PTPRN2: variants seen among roughly 807,000 people sequenced by gnomAD.
PTPRN2 encodes receptor-type tyrosine-protein phosphatase N2.
PTPRN2 carries 74 observed loss-of-function variants against 118.8 expected under a neutral mutation model. That is an observed-to-expected ratio of 0.62 (90% CI 0.52 to 0.76). The LOEUF is 0.76. Ranked by LOEUF, PTPRN2 falls within the 30% of genes least tolerant of loss-of-function variation. The probability of loss-of-function intolerance (pLI) is 0.00; values close to 1 mark genes in which losing one functional copy is unlikely to be tolerated. For synonymous variants in PTPRN2, 641 were observed against 608.0 expected (o/e 1.05, Z -0.80); for missense variants, 1,481 against 1,394.4 (o/e 1.06, Z -0.99).
intron 3 of PTPRN2, among the ~76,000 whole-genome samples, chr7:158,298,643 A>G (rs528314978): frequency 1.3e-5 from 2 of 152,320 alleles, no homozygotes; most frequent in South Asian, 4.1e-4. Context: ...AAACTTCCCA[A>G]GTGAAAAAGC....
intron 3 of PTPRN2, among the ~76,000 whole-genome samples, chr7:158,257,809 G>A (rs2150914299): frequency 6.6e-6 from 1 of 152,370 alleles, no homozygotes; most frequent in African/African-American, 2.4e-5. Context: ...CGTGCCAGGG[G>A]TGAGCCCGCC....
At chr7:158,299,806 C>G (rs1050569495) in intron 3 of PTPRN2, among the ~76,000 whole-genome samples, 1 of 152,194 alleles carries the variant, frequency 6.6e-6, no homozygotes, top group Non-Finnish European at 1.5e-5. Flanking sequence ...TCCCAGGCCC[C>G]CCAGGGAAGC....
chr7:158,565,640 T>C lies in PTPRN2; in HGVS notation c.112+21918A>G, dbSNP rs1827630281. Among the ~76,000 whole-genome samples the C allele has an allele frequency of 6.6e-6, 1 of 152,230 alleles. No individual in the cohort carries two copies. The highest frequency in any genetic ancestry group is 2.4e-5 in the African/African-American group (1 of 41,452). On this transcript the variant is annotated intron_variant, in intron 1 of 22. Transcript: ENST00000389418. This position sits in a 1 kb window ranked among gnomAD's most constrained non-coding sequence, Gnocchi z 4.6. ...AGGAAGAAAGTAAGCAAAGGCACGG[T>C]AGACGCCAAGGGTCCAGGAGTCGCC... is the stretch of plus-strand genomic sequence containing the variant.
At chr7:157,634,835 G>C (rs1804209992) in intron 14 of PTPRN2, among the ~76,000 whole-genome samples, 1 of 152,230 alleles carries the variant, frequency 6.6e-6, no homozygotes, top group Admixed American at 6.5e-5. Context: ...GAGAAAACCA[G>C]AATTTTTAAG....
intron 9 of PTPRN2, among the ~76,000 whole-genome samples, chr7:158,125,873 G>A (rs946629921): frequency 9.9e-5 from 15 of 152,260 alleles, no homozygotes; most frequent in East Asian, 1.9e-4. Flanking sequence ...GCATCAGTCC[G>A]GACCTCGGCT....
At chr7:158,176,018 C>T (rs1280571333) in intron 5 of PTPRN2, among the ~76,000 whole-genome samples, 1 of 151,970 alleles carries the variant, frequency 6.6e-6, no homozygotes, top group Non-Finnish European at 1.5e-5. Context: ...TCTCAGCCCG[C>T]CCTGCTCCGA....
At chr7:158,043,479 G>A (rs976051612) in intron 11 of PTPRN2, among the ~76,000 whole-genome samples, 8 of 74,264 alleles carry the variant, frequency 1.1e-4, no homozygotes, top group African/African-American at 3.4e-4. Flanking sequence ...TCCCATTCTC[G>A]TCACCTGACT....
At chr7:158,113,859 C>G (rs983067078) in intron 9 of PTPRN2, among the ~76,000 whole-genome samples, 3 of 152,180 alleles carry the variant, frequency 2.0e-5, no homozygotes, top group African/African-American at 7.2e-5. Context: ...CCGGGACCAG[C>G]TGGGGCACAG....
intron 20 of PTPRN2, among the ~76,000 whole-genome samples, chr7:157,569,441 C>T (rs760468972): frequency 8.5e-5 from 13 of 152,236 alleles, no homozygotes; most frequent in Non-Finnish European, 1.8e-4. Context: ...GGCACATCCC[C>T]CTAGGCTGCC....
rs867749451 is a variant in PTPRN2, at chr7:158,133,774, G to A, written c.1459C>T (p.Leu487Phe). ...AGGGCCTCCTGAGCACCCGCTGGAA[G>A]GCTCTGCTCCTCCTTCGAGGGCCCA... ...MPGPSKEEQS[L>F]PAGAQEALSD... The change falls in exon 9 of 23, where the codon CTT (leucine) becomes TTT (phenylalanine). Residue 487 changes from leucine to phenylalanine, a missense_variant. Physicochemically the swap from Leu to Phe is conservative, Grantham distance 22. Coordinates refer to ENST00000389418, the MANE Select transcript of PTPRN2 (RefSeq NM_002847.5). The A allele has an allele frequency of 1.2e-5, 20 of 1,613,844 alleles. No homozygotes were observed. In the African/African-American group the frequency reaches 1.6e-4, roughly 13 times the overall value.
At chr7:157,826,609 C>T (rs141980647) in intron 12 of PTPRN2, among the ~76,000 whole-genome samples, 113 of 152,320 alleles carry the variant, frequency 7.4e-4, no homozygotes, top group African/African-American at 2.4e-3. Flanking sequence ...CATTTCCACG[C>T]GTGCTGTGCT....
At chr7:158,085,028 G>C (rs1252550922) in intron 10 of PTPRN2, among the ~76,000 whole-genome samples, 2 of 119,244 alleles carry the variant, frequency 1.7e-5, no homozygotes, top group Non-Finnish European at 3.4e-5. Flanking sequence ...CACCCACGAC[G>C]CCCATCCACA....
At chr7:157,653,866 C>T (rs1239516020) in intron 14 of PTPRN2, among the ~76,000 whole-genome samples, 2 of 140,446 alleles carry the variant, frequency 1.4e-5, no homozygotes, top group African/African-American at 5.4e-5. Flanking sequence ...CGACTCCACA[C>T]GATGCCCGCT....
At chr7:158,053,762 G>A (rs1012790916) in intron 11 of PTPRN2, among the ~76,000 whole-genome samples, 7 of 150,930 alleles carry the variant, frequency 4.6e-5, no homozygotes, top group African/African-American at 9.8e-5. Context: ...CTCCAGAGAC[G>A]CAGAGACCCC....
At chr7:158,113,479 C>T (rs976102120) in intron 9 of PTPRN2, among the ~76,000 whole-genome samples, 3 of 152,096 alleles carry the variant, frequency 2.0e-5, no homozygotes, top group Non-Finnish European at 4.4e-5. Flanking sequence ...AGGCCTTAGG[C>T]AGGAGTAGGA....
chr7:158,113,701 G>T (rs1168926757), intron 9 of PTPRN2, among the ~76,000 whole-genome samples: 1 of 152,160 alleles, frequency 6.6e-6, no homozygotes, highest in Non-Finnish European at 1.5e-5. Context: ...CCTTCCTGGG[G>T]ACAGAGAGAC....
intron 12 of PTPRN2, among the ~76,000 whole-genome samples, chr7:157,799,191 G>C (rs1196917398): frequency 1.3e-5 from 2 of 152,108 alleles, no homozygotes; most frequent in African/African-American, 4.8e-5. Flanking sequence ...GGGGAGGAAG[G>C]GCTGGGTGAG....
intron 12 of PTPRN2, among the ~76,000 whole-genome samples, chr7:157,783,926 G>C (rs754429133): frequency 6.6e-6 from 1 of 152,292 alleles, no homozygotes; most frequent in African/African-American, 2.4e-5. Flanking sequence ...CTGGGAGGCT[G>C]GTTGAATGGA....
Position 157,585,542 on chromosome 7 carries a change from G to T in PTPRN2, c.2497-7402C>A, listed in dbSNP as rs1800628375. Among the ~76,000 whole-genome samples, 1 of 152,180 alleles carries T rather than the reference G, an allele frequency of 6.6e-6. No homozygotes were observed. Among genetic ancestry groups the T allele is most frequent in the Admixed American group, 6.5e-5 (1 of 15,274 alleles). ...CCACCGTGGGTGCCTTTGTGATCAG[G>T]CATTGGACCCGCACAGGAAGTCACC... is the stretch of plus-strand genomic sequence containing the variant. On this transcript the variant is annotated intron_variant, in intron 17 of 22. Transcript: ENST00000389418. This position sits in a 1 kb window ranked among gnomAD's most constrained non-coding sequence, Gnocchi z 5.2.
Sources: allele counts gnomAD v4.1 joint callset (sites outside exome capture counted in the v4.1 genomes callset), GRCh38; gene constraint gnomAD v4.1.1; non-coding constraint Gnocchi (gnomAD v3.1); transcripts MANE v1.5; gene names NCBI Gene and HGNC (gene_info 2026-07-23, HGNC 2026-07-21).